The following ZNF282 variants were observed in gnomAD, a reference collection of about 807,000 sequenced individuals.
The protein encoded by ZNF282 is zinc finger protein 282.
In ZNF282, 30 loss-of-function variants were observed where a neutral mutation model predicts 61.9. The observed-to-expected ratio is 0.48, with a 90% confidence interval of 0.36 to 0.66. The LOEUF (loss-of-function observed/expected upper bound fraction) is 0.66, where lower values mean the gene tolerates loss of function less well. Ranked by LOEUF, ZNF282 falls within the 30% of genes least tolerant of loss-of-function variation. The probability of loss-of-function intolerance (pLI) is 0.00; values close to 1 mark genes in which losing one functional copy is unlikely to be tolerated. For missense variants in ZNF282, 788 were observed against 941.4 expected (o/e 0.84, Z 2.13); for synonymous variants, 396 against 405.0 (o/e 0.98, Z 0.27).
chr7:149,221,919 G>A (rs182197637), intron 7 of ZNF282, among the ~76,000 whole-genome samples: 3 of 152,256 alleles, frequency 2.0e-5, no homozygotes, highest in Admixed American at 2.0e-4. Context: ...ACGGAGAAAA[G>A]GATGCTGAGA....
At chr7:149,195,896 G>A (rs1795808385) in intron 1 of ZNF282, 142 bp downstream of exon 1, 1 of 735,668 alleles carries the variant, frequency 1.4e-6, no homozygotes, top group Non-Finnish European at 1.7e-6. Flanking sequence ...CGAGGCGGGC[G>A]GGGCACGGCC....
In ZNF282 at chr7:149,195,658, G is replaced by A. The variant is rs535770704; in HGVS notation, c.69G>A (p.Gly23=). 42 of 1,600,266 alleles carry A rather than the reference G, an allele frequency of 2.6e-5. No homozygotes were observed. The South Asian group carries it at 4.1e-4, about 16-fold the overall frequency. ...LGIQGLGLDS[G]SWSWAQALPP... Reference sequence around the variant, plus strand: ...TCCAGGGCCTGGGGCTGGACAGCGGGAGCTGGAGCTGGGCCCAGGCTCTGC... The same window carrying A: ...TCCAGGGCCTGGGGCTGGACAGCGGAAGCTGGAGCTGGGCCCAGGCTCTGC... The change falls in exon 1 of 8, where the codon GGG becomes GGA. Residue 23 remains glycine (G), a synonymous_variant. Transcript: ENST00000610704.
chr7:149,223,907 C>G lies in ZNF282; in HGVS notation c.1276C>G (p.Gln426Glu), dbSNP rs1001782237. Residue 426 changes from glutamine to glutamate, a missense_variant, in exon 8 of 8, where the codon CAG becomes GAG. This residue lies in a region of ZNF282 where 559 missense variants were observed against 642.0 expected (regional missense o/e 0.87). Transcript: ENST00000610704. Reference sequence around the variant, plus strand: ...GCAGCCGCAGCTGCAGTCGCAGCCCCAGCCCCAGAGCCTGCCCCCCATCGC... The same window carrying G: ...GCAGCCGCAGCTGCAGTCGCAGCCCGAGCCCCAGAGCCTGCCCCCCATCGC... ...PPQPQLQSQPQPQSLPPIAVA... is the reference protein window; with the variant it reads ...PPQPQLQSQPEPQSLPPIAVA... The G allele has an allele frequency of 1.4e-6, 2 of 1,395,080 alleles. No homozygotes were observed. The highest frequency in any genetic ancestry group is 3.0e-5 in the African/African-American group (2 of 66,380). 86.4% of individuals were successfully genotyped at this position (1,395,080 alleles called of 1,614,324 possible). A position where few individuals can be genotyped will look rare whatever the true frequency, so the allele number is the denominator to read the frequency against.
At position 149,206,954 on chromosome 7, in the gene ZNF282, G is replaced by A. The variant is rs554299865; in HGVS notation, c.712+132G>A. On this transcript the variant is annotated intron_variant, in intron 3 of 7. Coordinates refer to ENST00000610704, the MANE Select transcript of ZNF282 (RefSeq NM_003575.4). The stretch of plus-strand genomic sequence containing the variant: ...GTAATGGAAACTCAGGAAACCATTT[G>A]CTTATAATGCTAGTAGGATAGAACA... 29 of 1,266,752 alleles carry A rather than the reference G, an allele frequency of 2.3e-5. No homozygotes were observed. The African/African-American group carries it at 3.9e-4, about 17-fold the overall frequency. The allele number at this position is 1,266,752 out of a possible 1,614,324, so 78.5% of individuals were successfully genotyped here.
chr7:149,222,050 A>T (rs1285933869), intron 7 of ZNF282, among the ~76,000 whole-genome samples: 2 of 89,762 alleles, frequency 2.2e-5, no homozygotes, highest in Admixed American at 1.7e-4. Context: ...ATGGAGCGTG[A>T]GGCATGAGAA....
rs1442217271 is a variant in ZNF282 at position 149,225,178 on chromosome 7, AG to A, written c.*533del. 1.3e-5 allele frequency: 2 copies of A among 156,270 alleles called. No homozygotes were observed. Among genetic ancestry groups the A allele is most frequent in the Non-Finnish European group, 2.8e-5 (2 of 70,358 alleles). 9.7% of individuals were successfully genotyped at this position (156,270 alleles called of 1,614,324 possible). A position where few individuals can be genotyped will look rare whatever the true frequency, so the allele number is the denominator to read the frequency against. ...CCTATCCCTCTCAGATAGGTGGGGT[AG>A]GATTTTCCTGGTGACCGAGTAAAGT... On this transcript the variant is annotated 3_prime_UTR_variant, in exon 8 of 8. Transcript: ENST00000610704.
chr7:149,213,351 G>A (rs1796114785), intron 6 of ZNF282, among the ~76,000 whole-genome samples: 1 of 152,178 alleles, frequency 6.6e-6, no homozygotes, highest in Non-Finnish European at 1.5e-5. Context: ...ATACCTGTTA[G>A]CCATGGCCCT....
chr7:149,220,923 T>TTTTG (rs1796237177), intron 7 of ZNF282, among the ~76,000 whole-genome samples: 1 of 66,830 alleles, frequency 1.5e-5, no homozygotes, highest in African/African-American at 3.7e-5. Context: ...GAGGGTTTTT[T>TTTTG]TTTTTTTTTT....
intron 4 of ZNF282, 126 bp from the exon 5 acceptor site, chr7:149,210,459 A>G: frequency 1.3e-6 from 2 of 1,496,076 alleles, no homozygotes; most frequent in Non-Finnish European, 1.8e-6. Flanking sequence ...TTCTGAGCCC[A>G]GAATGTCCTG....
Position 149,206,832 on chromosome 7 carries a change from C to G in ZNF282, c.712+10C>G. On this transcript the variant is annotated intron_variant, in intron 3 of 7. Coordinates refer to ENST00000610704, the MANE Select transcript of ZNF282 (RefSeq NM_003575.4). ...ACCCTCATGTCCCTGGGTAAGGACA[C>G]CTTCTCTCCTCTTTGGTGAGCCATC... 6.2e-7 allele frequency: 1 copy of G among 1,613,888 alleles called. No individual in the cohort carries two copies. Among genetic ancestry groups the G allele is most frequent in the South Asian group, 1.1e-5 (1 of 91,084 alleles).
intron 7 of ZNF282, among the ~76,000 whole-genome samples, chr7:149,214,207 A>C (rs541540074): frequency 6.6e-6 from 1 of 152,156 alleles, no homozygotes; most frequent in South Asian, 2.1e-4. Context: ...TGGCTTGTAG[A>C]TGCGTTGCTG....
intron 1 of ZNF282, 93 bp downstream of exon 1, chr7:149,195,847 C>A: frequency 8.8e-7 from 1 of 1,132,556 alleles, no homozygotes. Flanking sequence ...CTCCGGTAGC[C>A]TTGCGGCGCC....
chr7:149,197,790 T>G (rs1041289781), intron 1 of ZNF282, among the ~76,000 whole-genome samples: 1 of 152,214 alleles, frequency 6.6e-6, no homozygotes, highest in Non-Finnish European at 1.5e-5. Flanking sequence ...TTTTGTTACC[T>G]GCAGCATCTA....
At chr7:149,217,263 G>A (rs940641945) in intron 7 of ZNF282, among the ~76,000 whole-genome samples, 2 of 152,214 alleles carry the variant, frequency 1.3e-5, no homozygotes, top group African/African-American at 4.8e-5. Flanking sequence ...AGGGCCAGGT[G>A]TGGTAGCTCA....
At chr7:149,197,954 A>G (rs1795844457) in intron 1 of ZNF282, among the ~76,000 whole-genome samples, 1 of 152,254 alleles carries the variant, frequency 6.6e-6, no homozygotes, top group African/African-American at 2.4e-5. Context: ...ACTTACATCA[A>G]AGTTCTTGGA....
chr7:149,215,191 T>C (rs2129523538), intron 7 of ZNF282, among the ~76,000 whole-genome samples: 1 of 144,542 alleles, frequency 6.9e-6, no homozygotes, highest in Non-Finnish European at 1.5e-5. Flanking sequence ...CCATATTTCC[T>C]GACATTTTTT....
At chr7:149,209,685 C>T (rs1006244065) in intron 4 of ZNF282, among the ~76,000 whole-genome samples, 14 of 152,208 alleles carry the variant, frequency 9.2e-5, no homozygotes, top group South Asian at 4.2e-4. Flanking sequence ...TGAGTTGGTG[C>T]GGAGTTGAAG....
chr7:149,215,519 G>A (rs1029247764), intron 7 of ZNF282, among the ~76,000 whole-genome samples: 1 of 152,180 alleles, frequency 6.6e-6, no homozygotes, highest in Admixed American at 6.5e-5. Context: ...TCTTGAAGGA[G>A]CTTAAACTTC....
intron 2 of ZNF282, among the ~76,000 whole-genome samples, chr7:149,204,900 C>T (rs1795969249): frequency 1.3e-5 from 2 of 152,062 alleles, no homozygotes; most frequent in African/African-American, 4.8e-5. Context: ...AGGCGGATCA[C>T]GGGGTCAGGA....
Sources: allele counts gnomAD v4.1 joint callset (sites outside exome capture counted in the v4.1 genomes callset), GRCh38; gene constraint gnomAD v4.1.1; regional missense constraint gnomAD v4.1.1; transcripts MANE v1.5; gene names NCBI Gene and HGNC (gene_info 2026-07-23, HGNC 2026-07-21).